Variants in B3GALT1 observed in about 807,000 individuals in gnomAD.
B3GALT1 encodes beta-1,3-galactosyltransferase 1.
A neutral mutation model predicts 23.2 loss-of-function variants in B3GALT1; 10 were observed. The ratio of observed to expected loss-of-function variants is 0.43; its 90% CI spans 0.27 to 0.73. The LOEUF is 0.73. B3GALT1 is among the 30% of genes least tolerant of loss of function. B3GALT1 has a pLI of 0.21. For missense variants in B3GALT1, 299 were observed against 405.4 expected, an observed-to-expected ratio of 0.74 and a Z score of 2.25; for synonymous variants, 156 against 141.5, an observed-to-expected ratio of 1.10 and a Z score of -0.73.
intron 2 of B3GALT1, among the ~76,000 whole-genome samples, chr2:167,558,664 C>T (rs535739697): frequency 6.4e-4 from 97 of 152,234 alleles, no homozygotes; most frequent in Non-Finnish European, 1.1e-3. Flanking sequence ...TATCCTGCAC[C>T]TGGCTCGGAG....
At chr2:167,394,446 A>G (rs1244149026) in intron 1 of B3GALT1, among the ~76,000 whole-genome samples, 3 of 152,130 alleles carry the variant, frequency 2.0e-5, no homozygotes, top group South Asian at 4.1e-4. Context: ...ACAATTATCT[A>G]TTGTAGCAAC....
intron 2 of B3GALT1, among the ~76,000 whole-genome samples, chr2:167,627,786 C>T (rs1019412803): frequency 8.6e-5 from 13 of 151,532 alleles, no homozygotes; most frequent in African/African-American, 3.1e-4. Context: ...CATTTGTGTT[C>T]CCACCAGCCA....
At chr2:167,761,182 T>G (rs1238684400) in intron 3 of B3GALT1, among the ~76,000 whole-genome samples, 1 of 152,162 alleles carries the variant, frequency 6.6e-6, no homozygotes, top group Non-Finnish European at 1.5e-5. Context: ...TTTGTAATAA[T>G]AAAAACAAGT....
chr2:167,463,070 CAACTTAAGTTTCATCT>C, intron 1 of B3GALT1, among the ~76,000 whole-genome samples: 2 of 152,174 alleles, frequency 1.3e-5, no homozygotes, highest in Middle Eastern at 6.8e-3. Flanking sequence ...CCTGAAGGTA[CAACTTAAGTTTCATCT>C]TTCTTGCAAA....
chr2:167,557,665 ATG>A (rs1190956508), intron 2 of B3GALT1, among the ~76,000 whole-genome samples: 2 of 152,172 alleles, frequency 1.3e-5, no homozygotes, highest in African/African-American at 4.8e-5. Context: ...CAATCCTCAA[ATG>A]TATAATATGT....
chr2:167,847,330 G>C (rs1048327335), intron 4 of B3GALT1, among the ~76,000 whole-genome samples: 17 of 151,762 alleles, frequency 1.1e-4, no homozygotes, highest in African/African-American at 3.7e-4. Flanking sequence ...TAGGTCATAT[G>C]ATAGGCCATA....
At chr2:167,498,301 G>C (rs562763984) in intron 2 of B3GALT1, among the ~76,000 whole-genome samples, 20 of 152,212 alleles carry the variant, frequency 1.3e-4, no homozygotes, top group African/African-American at 4.3e-4. Context: ...GAAACACATG[G>C]TTATAAGATT....
In B3GALT1 at chr2:167,400,281, T is replaced by G. The variant is rs1387922287; in HGVS notation, c.-510-89896T>G. Among the ~76,000 whole-genome samples the G allele has an allele frequency of 3.3e-5, 5 of 151,866 alleles. No homozygotes were observed. The East Asian group carries it at 9.7e-4, about 29-fold the overall frequency. ...AGCCATTTCAATCTAAGGACTTGTT[T>G]TCTTCAGTAATGTGCAATTTTTTGG... On this transcript the variant is annotated intron_variant, in intron 1 of 4. Transcript: ENST00000392690.
intron 2 of B3GALT1, among the ~76,000 whole-genome samples, chr2:167,567,282 G>C (rs1684189446): frequency 6.6e-6 from 1 of 152,110 alleles, no homozygotes; most frequent in Non-Finnish European, 1.5e-5. Flanking sequence ...GACAATACCT[G>C]ATTATATTTC....
At chr2:167,789,103 GC>G (rs1688391977) in intron 3 of B3GALT1, among the ~76,000 whole-genome samples, 1 of 152,158 alleles carries the variant, frequency 6.6e-6, no homozygotes, top group Admixed American at 6.5e-5. Flanking sequence ...ATTGGTGCGA[GC>G]CATTAACTCG....
At chr2:167,755,829 G>T (rs1242394949) in intron 3 of B3GALT1, among the ~76,000 whole-genome samples, 1 of 151,738 alleles carries the variant, frequency 6.6e-6, no homozygotes, top group Non-Finnish European at 1.5e-5. Flanking sequence ...AAATAAATTA[G>T]CCAGGCATAG....
chr2:167,323,967 A>C (rs1384851752), intron 1 of B3GALT1, among the ~76,000 whole-genome samples: 1 of 151,882 alleles, frequency 6.6e-6, no homozygotes, highest in African/African-American at 2.4e-5. Flanking sequence ...TCCCATTTTG[A>C]AATTTGATCA....
intron 3 of B3GALT1, among the ~76,000 whole-genome samples, chr2:167,672,433 A>C (rs1032099811): frequency 4.6e-5 from 7 of 152,318 alleles, no homozygotes; most frequent in Non-Finnish European, 5.9e-5. Context: ...GCACAGCCCT[A>C]ATGGAAGATG....
intron 2 of B3GALT1, among the ~76,000 whole-genome samples, chr2:167,578,020 T>A (rs1329548927): frequency 3.3e-5 from 5 of 151,960 alleles, no homozygotes; most frequent in African/African-American, 1.2e-4. Context: ...AAATTTTTTT[T>A]ACCCTGCACA....
intron 3 of B3GALT1, among the ~76,000 whole-genome samples, chr2:167,711,032 T>G (rs1048584022): frequency 2.0e-5 from 3 of 152,074 alleles, no homozygotes; most frequent in African/African-American, 7.2e-5. Flanking sequence ...TGTAAGATGA[T>G]CCCTCTCTCC....
chr2:167,353,960 G>C (rs1315974660), intron 1 of B3GALT1, among the ~76,000 whole-genome samples: 1 of 152,066 alleles, frequency 6.6e-6, no homozygotes, highest in Non-Finnish European at 1.5e-5. Context: ...ATCTTAAGGA[G>C]CTAAATTCAT....
intron 2 of B3GALT1, among the ~76,000 whole-genome samples, chr2:167,600,082 C>A (rs1438774219): frequency 6.6e-6 from 1 of 152,152 alleles, no homozygotes; most frequent in Non-Finnish European, 1.5e-5. Flanking sequence ...TATTTCTTTT[C>A]TGATGGAGAC....
intron 2 of B3GALT1, among the ~76,000 whole-genome samples, chr2:167,610,676 G>A (rs1685046022): frequency 6.6e-6 from 1 of 151,924 alleles, no homozygotes; most frequent in Non-Finnish European, 1.5e-5. Context: ...GCCTCCTTAA[G>A]TTTAATCCTG....
At chr2:167,377,715 G>A (rs187709559) in intron 1 of B3GALT1, among the ~76,000 whole-genome samples, 24 of 152,086 alleles carry the variant, frequency 1.6e-4, no homozygotes, top group Admixed American at 3.3e-4. Context: ...TATGGGTGTC[G>A]TTATATGTGA....
Sources: allele counts gnomAD v4.1 joint callset (sites outside exome capture counted in the v4.1 genomes callset), GRCh38; gene constraint gnomAD v4.1.1; transcripts MANE v1.5; gene names NCBI Gene and HGNC (gene_info 2026-07-23, HGNC 2026-07-21).